XRCC5: variants seen among roughly 807,000 people sequenced by gnomAD.
XRCC5 encodes the protein DNA repair protein Ku80.
In XRCC5, 12 loss-of-function variants were observed where a neutral mutation model predicts 95.7. The ratio of observed to expected loss-of-function variants is 0.13; its 90% CI spans 0.08 to 0.20. XRCC5 has a LOEUF of 0.20. Among genes scored for constraint, XRCC5 ranks in the 10% least tolerant of loss-of-function variants. The pLI is 1.00. For missense variants in XRCC5, 595 were observed against 873.9 expected (o/e 0.68, Z 4.02); for synonymous variants, 281 against 290.3 (o/e 0.97, Z 0.33).
intron 16 of XRCC5, chr2:216,176,014 G>A: frequency 4.9e-6 from 1 of 204,078 alleles, no homozygotes; most frequent in South Asian, 8.1e-5. Flanking sequence ...GGGCAACCGG[G>A]TAGTGGTTTT....
intron 4 of XRCC5, 67 bp downstream of exon 4, chr2:216,117,861 G>T: frequency 6.8e-7 from 1 of 1,479,330 alleles, no homozygotes; most frequent in Non-Finnish European, 9.4e-7. Flanking sequence ...TTAATGTATT[G>T]AATGTATTTT....
intron 10 of XRCC5, among the ~76,000 whole-genome samples, chr2:216,135,553 T>G (rs955914090): frequency 5.9e-5 from 9 of 152,122 alleles, no homozygotes; most frequent in African/African-American, 2.2e-4. Context: ...GGCCCAGCAC[T>G]TTGAGAGGCC....
intron 16 of XRCC5, among the ~76,000 whole-genome samples, chr2:216,180,856 G>C (rs1184230249): frequency 6.7e-6 from 1 of 149,764 alleles, no homozygotes; most frequent in Admixed American, 6.6e-5. Flanking sequence ...GTCGTTGCCC[G>C]GGCTGGAGTG....
intron 8 of XRCC5, among the ~76,000 whole-genome samples, chr2:216,128,436 G>T (rs1413109920): frequency 6.6e-6 from 1 of 152,142 alleles, no homozygotes; most frequent in Non-Finnish European, 1.5e-5. Context: ...GGAGGGGGTT[G>T]TTTAAAGGTG....
chr2:216,184,141 C>T (rs1689447143), intron 16 of XRCC5, among the ~76,000 whole-genome samples: 1 of 151,412 alleles, frequency 6.6e-6, no homozygotes, highest in Non-Finnish European at 1.5e-5. Flanking sequence ...CGTTTGACTT[C>T]TGAGAGGACC....
intron 19 of XRCC5, among the ~76,000 whole-genome samples, chr2:216,197,692 A>G (rs772395302): frequency 2.6e-5 from 4 of 152,184 alleles, no homozygotes; most frequent in Non-Finnish European, 5.9e-5. Flanking sequence ...GAAATTCAAC[A>G]TAAAATGTAT....
chr2:216,176,527 CAT>C (rs1416709096), intron 16 of XRCC5, among the ~76,000 whole-genome samples: 3 of 152,172 alleles, frequency 2.0e-5, no homozygotes, highest in Non-Finnish European at 4.4e-5. Flanking sequence ...TTTAGTATAA[CAT>C]TGATTATTAT....
At chr2:216,133,413 C>T (rs1298200935) in intron 10 of XRCC5, among the ~76,000 whole-genome samples, 4 of 152,188 alleles carry the variant, frequency 2.6e-5, no homozygotes, top group African/African-American at 9.7e-5. Context: ...TGGGCTCAAG[C>T]GATTCTCCTA....
At chr2:216,118,027 T>G (rs1294651740) in intron 4 of XRCC5, among the ~76,000 whole-genome samples, 1 of 152,228 alleles carries the variant, frequency 6.6e-6, no homozygotes, top group Non-Finnish European at 1.5e-5. Flanking sequence ...AACATTTGGC[T>G]TATTTCAGTT....
At chr2:216,190,177 T>C in intron 16 of XRCC5, 48 bp from the exon 17 acceptor site, 1 of 1,521,922 alleles carries the variant, frequency 6.6e-7, no homozygotes, top group Non-Finnish European at 9.1e-7. Context: ...GCATACCCTC[T>C]CTCAGGCATC....
At chr2:216,134,974 G>C (rs564370460) in intron 10 of XRCC5, among the ~76,000 whole-genome samples, 16 of 152,168 alleles carry the variant, frequency 1.1e-4, no homozygotes, top group Non-Finnish European at 2.1e-4. Context: ...CAGGGCTCAA[G>C]ACAGTGCCTG....
At chr2:216,123,202 AG>A (rs1386122573) in intron 6 of XRCC5, among the ~76,000 whole-genome samples, 11 of 152,282 alleles carry the variant, frequency 7.2e-5, no homozygotes, top group Admixed American at 7.2e-4. Flanking sequence ...AATTTTTTTA[AG>A]TAGCTACAGT....
chr2:216,179,706 A>G (rs1433150247), intron 16 of XRCC5, among the ~76,000 whole-genome samples: 1 of 152,216 alleles, frequency 6.6e-6, no homozygotes. Context: ...TGACTGGAGC[A>G]AAGAAAGTAG....
chr2:216,131,357 A>G (rs1248187916), intron 9 of XRCC5, among the ~76,000 whole-genome samples: 1 of 152,226 alleles, frequency 6.6e-6, no homozygotes, highest in Admixed American at 6.5e-5. Context: ...GTGGGAGGGC[A>G]TAAAAATGCA....
chr2:216,194,271 A>C (rs999182941), intron 18 of XRCC5, among the ~76,000 whole-genome samples: 3 of 152,232 alleles, frequency 2.0e-5, no homozygotes, highest in African/African-American at 7.2e-5. Context: ...TTAAGTACCT[A>C]CTTTTGTTTC....
intron 10 of XRCC5, among the ~76,000 whole-genome samples, chr2:216,136,387 A>G (rs1308714779): frequency 1.3e-5 from 2 of 150,238 alleles, no homozygotes; most frequent in African/African-American, 4.9e-5. Context: ...AAAAGAATGT[A>G]CAGATTTTTG....
intron 16 of XRCC5, among the ~76,000 whole-genome samples, chr2:216,180,881 C>G (rs1217454662): frequency 6.7e-6 from 1 of 150,364 alleles, no homozygotes; most frequent in African/African-American, 2.5e-5. Flanking sequence ...GGCGCGATCT[C>G]GGCTCACTGC....
At chr2:216,118,992 G>C (rs757989350) in intron 4 of XRCC5, 51 bp from the exon 5 acceptor site, 10 of 1,592,918 alleles carry the variant, frequency 6.3e-6, no homozygotes, top group Non-Finnish European at 8.6e-6. Flanking sequence ...TGAATTTGTA[G>C]AAAAATAATT....
At chr2:216,192,463 G>T (rs955880700) in intron 17 of XRCC5, among the ~76,000 whole-genome samples, 176 bp from the exon 18 acceptor site, 2 of 152,128 alleles carry the variant, frequency 1.3e-5, no homozygotes, top group Non-Finnish European at 2.9e-5. Context: ...AGGATTTCTG[G>T]TCCCCAGTGA....
Sources: allele counts gnomAD v4.1 joint callset (sites outside exome capture counted in the v4.1 genomes callset), GRCh38; gene constraint gnomAD v4.1.1; transcripts MANE v1.5; gene names NCBI Gene and HGNC (gene_info 2026-07-23, HGNC 2026-07-21).